The following GAS7 variants were observed in gnomAD, a reference collection of about 807,000 sequenced individuals.
GAS7 encodes the protein growth arrest-specific protein 7.
GAS7 carries 28 observed loss-of-function variants against 71.1 expected under a neutral mutation model. The observed-to-expected ratio is 0.39, with a 90% CI of 0.29 to 0.54. The LOEUF (loss-of-function observed/expected upper bound fraction) is 0.54. Ranked by LOEUF, GAS7 falls within the 20% of genes least tolerant of loss-of-function variation. The probability of loss-of-function intolerance (pLI) is 0.62; values close to 1 mark genes in which losing one functional copy is unlikely to be tolerated. For synonymous variants in GAS7, 258 were observed against 245.8 expected (o/e 1.05, Z -0.46); for missense variants, 436 against 627.8 (o/e 0.69, Z 3.27).
At chr17:10,028,105 G>A (rs528826317) in intron 1 of GAS7, among the ~76,000 whole-genome samples, 9 of 152,274 alleles carry the variant, frequency 5.9e-5, no homozygotes, top group Non-Finnish European at 1.2e-4. Flanking sequence ...GGGTTTCACC[G>A]CGTTGGCCAG....
rs149436488 is a variant in GAS7 at position 9,924,990 on chromosome 17, T to C, written c.1138+486A>G. Among the ~76,000 whole-genome samples, 50 of 152,330 alleles carry C rather than the reference T, an allele frequency of 3.3e-4. 2 individuals are homozygous for C. In the East Asian group the frequency reaches 6.8e-3, roughly 21 times the overall value. On this transcript the variant is annotated intron_variant, in intron 11 of 13. Transcript: ENST00000432992. ...AATCTGGTTATTTCTTTAAACAAAG[T>C]GTCAGCCTCTGTTCCCAGGGCAGGA... is the stretch of plus-strand genomic sequence containing the variant.
chr17:9,916,961 T>C lies in GAS7; in HGVS notation c.*267A>G, dbSNP rs2286532. ...AGGACCACAAAGTTCCAGCCTCTGT[T>C]TGTTTCAGAGCGGCAAGCACAGCAT... On this transcript the variant is annotated 3_prime_UTR_variant, in exon 14 of 14. Coordinates refer to ENST00000432992, the MANE Select transcript of GAS7 (RefSeq NM_201433.2). 0.44 allele frequency: 231,117 copies of C among 527,204 alleles called. 52,086 individuals are homozygous for C. The highest frequency in any genetic ancestry group is 0.48 in the Non-Finnish European group (143,314 of 295,770). The allele number at this position is 527,204 out of a possible 1,614,324, so 32.7% of individuals were successfully genotyped here.
intron 1 of GAS7, among the ~76,000 whole-genome samples, chr17:10,023,764 A>G (rs1016134): frequency 0.12 from 18,230 of 152,238 alleles, 1,282 homozygotes; most frequent in Middle Eastern, 0.16. Flanking sequence ...GTTGCACAAT[A>G]TCATGAATAC....
chr17:9,914,927 G>A lies in GAS7; in HGVS notation c.*2301C>T, dbSNP rs887220412. 3 of 232,350 alleles carry A rather than the reference G, an allele frequency of 1.3e-5. No individual in the cohort carries two copies. The highest frequency in any genetic ancestry group is 2.2e-5 in the African/African-American group (1 of 45,278). 14.4% of individuals were successfully genotyped at this position (232,350 alleles called of 1,614,324 possible). ...CCTATGTATCAATGCCAAGGTTGCT[G>A]ACCGGTAAGACCCCTGAAAACGAGC... On this transcript the variant is annotated 3_prime_UTR_variant, in exon 14 of 14. Transcript: ENST00000432992.
chr17:10,038,404 G>C (rs1057307158), intron 1 of GAS7, among the ~76,000 whole-genome samples: 1 of 152,144 alleles, frequency 6.6e-6, no homozygotes, highest in Non-Finnish European at 1.5e-5. Flanking sequence ...GTACTAGTAA[G>C]GATTGAGAAC....
chr17:9,954,258 G>A (rs1400563160), intron 5 of GAS7, among the ~76,000 whole-genome samples: 3 of 152,300 alleles, frequency 2.0e-5, no homozygotes, highest in Non-Finnish European at 4.4e-5. Flanking sequence ...TCCTGAGTCA[G>A]GGAGTAGACA....
At chr17:10,092,080 T>G (rs993936615) in intron 1 of GAS7, among the ~76,000 whole-genome samples, 1 of 152,134 alleles carries the variant, frequency 6.6e-6, no homozygotes, top group Non-Finnish European at 1.5e-5. Context: ...TCTCCCCCTA[T>G]TCCAGACACA....
At chr17:10,158,671 C>A (rs542205246) in intron 1 of GAS7, among the ~76,000 whole-genome samples, 1 of 152,014 alleles carries the variant, frequency 6.6e-6, no homozygotes, top group Admixed American at 6.5e-5. Context: ...ATGTTAATGG[C>A]GGAATCTGAT....
At chr17:10,181,133 G>A (rs576006118) in intron 1 of GAS7, among the ~76,000 whole-genome samples, 15 of 146,260 alleles carry the variant, frequency 1.0e-4, no homozygotes, top group African/African-American at 3.0e-4. Flanking sequence ...AGGCCAAGGC[G>A]GGCACATCAC....
intron 10 of GAS7, 41 bp from the exon 11 acceptor site, chr17:9,925,640 G>A: frequency 6.2e-7 from 1 of 1,612,502 alleles, no homozygotes. Context: ...ATACAGCTCG[G>A]AGCCAGTGGG....
chr17:9,988,306 C>T (rs1187932581), intron 2 of GAS7, among the ~76,000 whole-genome samples: 1 of 152,206 alleles, frequency 6.6e-6, no homozygotes, highest in Non-Finnish European at 1.5e-5. Flanking sequence ...TTTCTCAGCC[C>T]TTCTCCCTTC....
intron 5 of GAS7, among the ~76,000 whole-genome samples, chr17:9,951,169 T>C (rs533128788): frequency 5.3e-5 from 8 of 152,378 alleles, no homozygotes; most frequent in Non-Finnish European, 8.8e-5. Flanking sequence ...CCTTATTTTG[T>C]ATTCCAATTA....
chr17:9,963,179 C>T (rs1037147699), intron 4 of GAS7, among the ~76,000 whole-genome samples: 1 of 151,962 alleles, frequency 6.6e-6, no homozygotes, highest in Non-Finnish European at 1.5e-5. Context: ...ATCCATGCCG[C>T]GATGTGAATG....
At chr17:10,096,902 A>C in intron 1 of GAS7, among the ~76,000 whole-genome samples, 1 of 152,244 alleles carries the variant, frequency 6.6e-6, no homozygotes, top group Non-Finnish European at 1.5e-5. Flanking sequence ...AGCCTTTGCA[A>C]TAGAAAGGGT....
intron 1 of GAS7, among the ~76,000 whole-genome samples, chr17:10,094,413 C>G (rs2073619620): frequency 6.6e-6 from 1 of 151,904 alleles, no homozygotes; most frequent in African/African-American, 2.4e-5. Context: ...CTTCCACTGC[C>G]TACCTCTGTC....
At chr17:10,185,073 G>A (rs370764928) in intron 1 of GAS7, among the ~76,000 whole-genome samples, 6 of 151,972 alleles carry the variant, frequency 3.9e-5, no homozygotes, top group South Asian at 4.2e-4. Context: ...ACTACGGCGC[G>A]TGCCACCACA....
chr17:9,949,603 A>T (rs2068924514), intron 5 of GAS7, among the ~76,000 whole-genome samples: 1 of 152,118 alleles, frequency 6.6e-6, no homozygotes, highest in South Asian at 2.1e-4. Context: ...CTCCTCCCAG[A>T]TCCTTACATG....
intron 1 of GAS7, among the ~76,000 whole-genome samples, chr17:10,042,002 A>G (rs2072877944): frequency 6.6e-6 from 1 of 152,298 alleles, no homozygotes; most frequent in Non-Finnish European, 1.5e-5. Flanking sequence ...TTGTCTTAAA[A>G]TGATAATTAA....
intron 1 of GAS7, among the ~76,000 whole-genome samples, chr17:10,187,199 G>A (rs572145435): frequency 6.6e-6 from 1 of 152,312 alleles, no homozygotes; most frequent in South Asian, 2.1e-4. Context: ...ACCATGTGCT[G>A]TTTGACACAG....
Sources: gnomAD v4.1 joint callset for allele counts (sites outside exome capture counted in the v4.1 genomes callset) on GRCh38, gnomAD v4.1.1 for gene constraint, MANE v1.5 for transcripts, NCBI Gene and HGNC (gene_info 2026-07-23, HGNC 2026-07-21) for gene names.